STUM: variants seen among roughly 807,000 people sequenced by gnomAD.
STUM encodes the protein protein stum homolog.
STUM carries 8 observed loss-of-function variants against 15.3 expected under a neutral mutation model. The ratio of observed to expected loss-of-function variants is 0.52; its 90% CI spans 0.31 to 0.94. The LOEUF (loss-of-function observed/expected upper bound fraction) is 0.94, where lower values mean the gene tolerates loss of function less well. Ranked by LOEUF, STUM falls within the 40% of genes least tolerant of loss-of-function variation. The pLI is 0.05. For missense variants in STUM, 142 were observed against 204.9 expected, an observed-to-expected ratio of 0.69 and a Z score of 1.87; for synonymous variants, 78 against 88.7, an observed-to-expected ratio of 0.88 and a Z score of 0.68.
At chr1:226,593,344 G>T (rs182276773) in intron 1 of STUM, among the ~76,000 whole-genome samples, 5 of 152,116 alleles carry the variant, frequency 3.3e-5, no homozygotes, top group African/African-American at 1.2e-4. Flanking sequence ...TCCACAAATG[G>T]CCAGAGTCAG....
In STUM at chr1:226,565,124, C is replaced by T. The variant is rs944318037; in HGVS notation, c.202+16018C>T. Among the ~76,000 whole-genome samples the T allele has an allele frequency of 7.2e-5, 11 of 152,272 alleles. 1 individual carries two copies. The highest frequency in any genetic ancestry group is 2.6e-4 in the African/African-American group (11 of 41,538). ...GAGGGAGAGTTTGGGGTATTGGTTTCCCATTCCCTCCAACTTCCTGTCTAT... is the reference window on the plus strand; with the variant it reads ...GAGGGAGAGTTTGGGGTATTGGTTTTCCATTCCCTCCAACTTCCTGTCTAT... On this transcript the variant is annotated intron_variant, in intron 1 of 3. Transcript: ENST00000366788. This position sits in a 1 kb window ranked among gnomAD's most constrained non-coding sequence, Gnocchi z 4.4.
intron 1 of STUM, among the ~76,000 whole-genome samples, chr1:226,551,530 G>A (rs991329378): frequency 3.9e-5 from 6 of 152,238 alleles, no homozygotes; most frequent in Non-Finnish European, 5.9e-5. Flanking sequence ...CCCAGCTCTT[G>A]GAAATCTGCC....
chr1:226,552,822 A>AT lies in STUM; in HGVS notation c.202+3722dup, dbSNP rs948756306. On this transcript the variant is annotated intron_variant, in intron 1 of 3. Transcript: ENST00000366788. This position sits in a 1 kb window ranked among gnomAD's most constrained non-coding sequence, Gnocchi z 4.7. ...CCTCCTGGCATCTTTTGTATCATAG[A>AT]TTTTTTGTTGCTGTTTTGAGACTTT... 2.0e-5 allele frequency among the ~76,000 whole-genome samples: 3 copies of AT among 152,144 alleles called. No homozygotes were observed. Among genetic ancestry groups the AT allele is most frequent in the Admixed American group, 6.5e-5 (1 of 15,280 alleles).
chr1:226,585,468 G>C (rs1015607635), intron 1 of STUM, among the ~76,000 whole-genome samples: 2 of 152,166 alleles, frequency 1.3e-5, no homozygotes, highest in African/African-American at 4.8e-5. Flanking sequence ...TGTGCGTTTC[G>C]TAGATGGGGA....
intron 1 of STUM, among the ~76,000 whole-genome samples, chr1:226,594,938 G>A (rs1184059406): frequency 1.3e-5 from 2 of 152,254 alleles, no homozygotes; most frequent in Non-Finnish European, 2.9e-5. Context: ...TTACAGGCAT[G>A]AGCCACTGCG....
At chr1:226,591,299 A>G (rs1668081326) in intron 1 of STUM, among the ~76,000 whole-genome samples, 1 of 152,256 alleles carries the variant, frequency 6.6e-6, no homozygotes, top group Non-Finnish European at 1.5e-5. Flanking sequence ...ACAACTGGAC[A>G]ATATGTGTGC....
At chr1:226,574,948 A>G (rs553847157) in intron 1 of STUM, among the ~76,000 whole-genome samples, 51 of 152,258 alleles carry the variant, frequency 3.3e-4, no homozygotes, top group African/African-American at 1.2e-3. Context: ...GCAGGTGTGG[A>G]CCGCGGTCAG....
intron 1 of STUM, among the ~76,000 whole-genome samples, chr1:226,558,252 G>A (rs1369742522): frequency 6.6e-6 from 1 of 152,182 alleles, no homozygotes; most frequent in Non-Finnish European, 1.5e-5. Flanking sequence ...CCAAAAAACT[G>A]TTAGAATATG....
chr1:226,590,240 C>T (rs1668065406), intron 1 of STUM, among the ~76,000 whole-genome samples: 1 of 152,094 alleles, frequency 6.6e-6, no homozygotes, highest in South Asian at 2.1e-4. Flanking sequence ...GAAAAGTGGT[C>T]CTCACCCACA....
chr1:226,570,846 G>GT (rs1425286996), intron 1 of STUM, among the ~76,000 whole-genome samples: 1 of 152,040 alleles, frequency 6.6e-6, no homozygotes, highest in Non-Finnish European at 1.5e-5. Context: ...CAGAATAATG[G>GT]TTTTTTTAAA....
chr1:226,558,324 A>G (rs2102687055), intron 1 of STUM, among the ~76,000 whole-genome samples: 1 of 152,336 alleles, frequency 6.6e-6, no homozygotes, highest in East Asian at 1.9e-4. Context: ...CATTAGCAAA[A>G]TCCCCTTTGT....
At chr1:226,595,913 T>G (rs1346866381) in intron 1 of STUM, among the ~76,000 whole-genome samples, 2 of 152,100 alleles carry the variant, frequency 1.3e-5, no homozygotes, top group African/African-American at 4.8e-5. Context: ...AAAGAATAAA[T>G]TTGTGTGGCT....
At chr1:226,601,295 T>C (rs1177762470) in intron 3 of STUM, among the ~76,000 whole-genome samples, 3 of 152,244 alleles carry the variant, frequency 2.0e-5, no homozygotes, top group Admixed American at 6.5e-5. Context: ...CCCAGTTAAT[T>C]TTTTGTATTC....
rs982532529 is a variant in STUM at position 226,602,930 on chromosome 1, T to C, written c.*890T>C. ...ATTTGAGAAAGACAATGCGATCCAT[T>C]TATCGTACACTTTCTAACTTCCCGG... On this transcript the variant is annotated 3_prime_UTR_variant, in exon 4 of 4. Transcript: ENST00000366788. 6.6e-6 allele frequency: 1 copy of C among 152,188 alleles called. No individual in the cohort carries two copies. The highest frequency in any genetic ancestry group is 1.5e-5 in the Non-Finnish European group (1 of 68,034). 9.4% of individuals were successfully genotyped at this position (152,188 alleles called of 1,614,324 possible).
At chr1:226,562,503 T>A (rs1667559267) in intron 1 of STUM, among the ~76,000 whole-genome samples, 1 of 151,424 alleles carries the variant, frequency 6.6e-6, no homozygotes, top group African/African-American at 2.4e-5. Flanking sequence ...AAGAAAATTG[T>A]ATCTCAATAA....
At chr1:226,557,033 T>C (rs1427393195) in intron 1 of STUM, among the ~76,000 whole-genome samples, 1 of 152,222 alleles carries the variant, frequency 6.6e-6, no homozygotes, top group African/African-American at 2.4e-5. Flanking sequence ...CGATACTCTA[T>C]TATTAACTAT....
At position 226,600,948 on chromosome 1, in the gene STUM, C is replaced by T. The variant is rs1367083297; in HGVS notation, c.391+274C>T. On this transcript the variant is annotated intron_variant, in intron 3 of 3. Coordinates refer to ENST00000366788, the MANE Select transcript of STUM (RefSeq NM_001003665.4). The surrounding 1 kb of genome is among the most constrained non-coding windows in gnomAD (Gnocchi z 5.2). ...CTGTCATTCGCCACATCTCCCCTAC[C>T]CCAGCATGGGTTATTAGCACCCAAA... 6.6e-6 allele frequency among the ~76,000 whole-genome samples: 1 copy of T among 152,162 alleles called. No individual in the cohort carries two copies. Among genetic ancestry groups the T allele is most frequent in the Non-Finnish European group, 1.5e-5 (1 of 68,040 alleles).
At chr1:226,555,972 A>C (rs1667439214) in intron 1 of STUM, among the ~76,000 whole-genome samples, 1 of 152,270 alleles carries the variant, frequency 6.6e-6, no homozygotes, top group South Asian at 2.1e-4. Context: ...AATATTATCA[A>C]CATATAATCA....
At chr1:226,562,474 GAAA>G (rs58206352) in intron 1 of STUM, among the ~76,000 whole-genome samples, 1 of 108,608 alleles carries the variant, frequency 9.2e-6, no homozygotes. Context: ...GACTCCTTCT[GAAA>G]AAAAAAAAAA....
Sources: allele counts gnomAD v4.1 joint callset (sites outside exome capture counted in the v4.1 genomes callset), GRCh38; gene constraint gnomAD v4.1.1; non-coding constraint Gnocchi (gnomAD v3.1); transcripts MANE v1.5; gene names NCBI Gene and HGNC (gene_info 2026-07-23, HGNC 2026-07-21).